AMY2A: variants seen among roughly 807,000 people sequenced by gnomAD.
The protein encoded by AMY2A is pancreatic alpha-amylase.
In AMY2A, 16 loss-of-function variants were observed where a neutral mutation model predicts 43.0. That is an observed-to-expected ratio of 0.37 (90% CI 0.25 to 0.56). The LOEUF is 0.56. Ranked by LOEUF, AMY2A falls within the 20% of genes least tolerant of loss-of-function variation. AMY2A has a pLI of 0.77. For missense variants in AMY2A, 212 were observed against 456.8 expected, an observed-to-expected ratio of 0.46 and a Z score of 4.89; for synonymous variants, 70 against 144.6, an observed-to-expected ratio of 0.48 and a Z score of 3.70.
Position 103,617,995 on chromosome 1 carries a change from C to G in AMY2A, c.210C>G (p.Phe70Leu). The change falls in exon 2 of 10, where the codon TTC becomes TTG. Residue 70 changes from phenylalanine (F) to leucine (L), a missense_variant. Physicochemically the swap from Phe to Leu is conservative, Grantham distance 22. Around this residue, in one of 2 missense-constraint regions of AMY2A, gnomAD observed 199 missense variants for 210.6 expected, o/e 0.94. Transcript: ENST00000414303. ...PNENVAIYNPFRPWWERYQPV... is the reference protein window; with the variant it reads ...PNENVAIYNPLRPWWERYQPV... ...AAAATGTTGCAATTTACAACCCTTTCAGACCTTGGTGGGAAAGATACCAAC... is the reference window on the plus strand; with the variant it reads ...AAAATGTTGCAATTTACAACCCTTTGAGACCTTGGTGGGAAAGATACCAAC... 6.2e-7 allele frequency: 1 copy of G among 1,600,644 alleles called. No individual in the cohort carries two copies. Among genetic ancestry groups the G allele is most frequent in the East Asian group, 2.2e-5 (1 of 44,792 alleles).
intron 7 of AMY2A, among the ~76,000 whole-genome samples, chr1:103,623,290 T>C (rs372517445): frequency 4.4e-3 from 599 of 135,634 alleles, no homozygotes; most frequent in Non-Finnish European, 5.0e-3. Context: ...CCCATTTCAA[T>C]GACATTGCAT....
chr1:103,616,818 G>T, upstream of AMY2A: 1 of 221,438 alleles, frequency 4.5e-6, no homozygotes, highest in East Asian at 1.8e-4. Flanking sequence ...GTCTGGCTCG[G>T]TGAGTCTGTG....
chr1:103,623,696 G>A (rs1378781694), intron 7 of AMY2A, among the ~76,000 whole-genome samples, 170 bp from the exon 8 acceptor site: 3 of 123,540 alleles, frequency 2.4e-5, no homozygotes, highest in Admixed American at 7.8e-5. Flanking sequence ...AGGATAGAGA[G>A]ATGATGAAGA....
At chr1:103,617,364 A>C (rs1653104721), upstream of AMY2A, 16 of 1,555,172 alleles carry the variant, frequency 1.0e-5, 1 homozygote, top group African/African-American at 4.0e-5. Context: ...ATTCATGCTA[A>C]TATTTACTTT....
upstream of AMY2A, chr1:103,617,099 T>C (rs1005281421): frequency 1.0e-6 from 1 of 965,054 alleles, no homozygotes; most frequent in African/African-American, 1.7e-5. Context: ...AAAGTTTTTT[T>C]GTATGCCATT....
rs1263219607 is a variant in AMY2A at position 103,618,507 on chromosome 1, ATAAATTGAGAT to A, written c.316-400_316-390del. On this transcript the variant is annotated intron_variant, in intron 2 of 9. Transcript: ENST00000414303. Reference sequence around the variant, plus strand: ...CTAGCTTCTCTATTTAATGAGGAGCATAAATTGAGATTAATAGCTACCTTGTTTGTCTTCAA... The same window carrying A: ...CTAGCTTCTCTATTTAATGAGGAGCATAATAGCTACCTTGTTTGTCTTCAA... Among the ~76,000 whole-genome samples the A allele has an allele frequency of 1.2e-4, 18 of 150,914 alleles. 1 individual carries two copies. The highest frequency in any genetic ancestry group is 4.3e-4 in the African/African-American group (18 of 41,464).
chr1:103,618,249 A>C (rs938032187), intron 2 of AMY2A, 149 bp downstream of exon 2: 1 of 1,336,606 alleles, frequency 7.5e-7, no homozygotes, highest in African/African-American at 1.5e-5. Context: ...CTGTTTATTT[A>C]TGTTCAACTT....
At chr1:103,618,628 G>T (rs1184968671) in intron 2 of AMY2A, among the ~76,000 whole-genome samples, 1 of 150,514 alleles carries the variant, frequency 6.6e-6, no homozygotes, top group Admixed American at 6.6e-5. Flanking sequence ...TCTGAGTTTT[G>T]TCTTCCCAAA....
Position 103,617,756 on chromosome 1 carries a change from A to G in AMY2A, c.168+148A>G. 9 of 1,534,264 alleles carry G rather than the reference A, an allele frequency of 5.9e-6. No individual in the cohort carries two copies. The South Asian group carries it at 9.9e-5, about 17-fold the overall frequency. ...ATTTCTGAGGGAAAATCTATGTAGT[A>G]TTCTTGGCAACTTTATATTTTGTTT... On this transcript the variant is annotated intron_variant, in intron 1 of 9. Coordinates refer to ENST00000414303, the MANE Select transcript of AMY2A (RefSeq NM_000699.4).
chr1:103,619,913 C>A, intron 4 of AMY2A, 129 bp downstream of exon 4: 1 of 1,476,564 alleles, frequency 6.8e-7, no homozygotes, highest in South Asian at 1.2e-5. Context: ...GTTCTTTAAC[C>A]TCCTCTTCTT....
chr1:103,619,360 T>C (rs1042988437), intron 3 of AMY2A, among the ~76,000 whole-genome samples, 194 bp from the exon 4 acceptor site: 1 of 150,642 alleles, frequency 6.6e-6, no homozygotes, highest in Non-Finnish European at 1.5e-5. Context: ...CTTTATTTCC[T>C]AAATTCTCTA....
upstream of AMY2A, chr1:103,617,155 A>G: frequency 2.1e-6 from 2 of 965,660 alleles, no homozygotes; most frequent in African/African-American, 1.6e-5. Context: ...TTCTACTGTT[A>G]TGTGAGAACA....
Position 103,618,216 on chromosome 1 carries a change from C to T in AMY2A, c.315+116C>T, listed in dbSNP as rs1653133905. The T allele has an allele frequency of 3.3e-5, 48 of 1,437,856 alleles. No homozygotes were observed. The South Asian group carries it at 6.6e-4, about 20-fold the overall frequency. 89.1% of individuals were successfully genotyped at this position (1,437,856 alleles called of 1,614,324 possible). A position where few individuals can be genotyped will look rare whatever the true frequency, so the allele number is the denominator to read the frequency against. On this transcript the variant is annotated intron_variant, in intron 2 of 9. Transcript: ENST00000414303. The stretch of plus-strand genomic sequence containing the variant: ...GTATTTTATTTTTTTAATTTTACTT[C>T]ATAATTTAAAACTCAAAATTAACTG...
intron 1 of AMY2A, 64 bp from the exon 2 acceptor site, chr1:103,617,890 T>A (rs1653122703): frequency 6.3e-7 from 1 of 1,596,230 alleles, no homozygotes; most frequent in East Asian, 2.2e-5. Flanking sequence ...GATTAGTTTC[T>A]AGAACATTCA....
At chr1:103,623,706 AC>A (rs1404349624) in intron 7 of AMY2A, among the ~76,000 whole-genome samples, 159 bp from the exon 8 acceptor site, 1 of 124,870 alleles carries the variant, frequency 8.0e-6, no homozygotes, top group African/African-American at 3.3e-5. Context: ...GATGATGAAG[AC>A]CCAGTAAAGG....
rs879736551 is a variant in AMY2A, at chr1:103,623,639, G to C, written c.1102-227G>C. On this transcript the variant is annotated intron_variant, in intron 7 of 9. Coordinates refer to ENST00000414303, the MANE Select transcript of AMY2A (RefSeq NM_000699.4). ...GCAGTTCTTTGGAATGAAAAGGAGA[G>C]GATAAAAATTTGTTACCTTGTTTGA... Among the ~76,000 whole-genome samples, 575 of 117,290 alleles carry C rather than the reference G, an allele frequency of 4.9e-3. 2 individuals are homozygous for C. Among genetic ancestry groups the C allele is most frequent in the Admixed American group, 0.044 (529 of 12,140 alleles). The allele number at this position is 117,290 out of a possible 152,430, so 76.9% of individuals were successfully genotyped here. A position where few individuals can be genotyped will look rare whatever the true frequency, so the allele number is the denominator to read the frequency against.
intron 2 of AMY2A, among the ~76,000 whole-genome samples, 172 bp downstream of exon 2, chr1:103,618,272 G>T (rs1320304938): frequency 4.6e-5 from 7 of 150,544 alleles, no homozygotes; most frequent in East Asian, 3.9e-4. Flanking sequence ...GTGAATATTT[G>T]TGTGTGTGCT....
At chr1:103,619,289 G>T (rs1318795842) in intron 3 of AMY2A, among the ~76,000 whole-genome samples, 181 bp downstream of exon 3, 4 of 150,020 alleles carry the variant, frequency 2.7e-5, no homozygotes, top group Non-Finnish European at 4.5e-5. Context: ...ATTGATTTAA[G>T]ATTTTTAATC....
chr1:103,619,084 C>T lies in AMY2A; in HGVS notation c.489C>T (p.Ile163=), dbSNP rs752786393. 37 of 1,193,854 alleles carry T rather than the reference C, an allele frequency of 3.1e-5. 1 individual carries two copies. Among genetic ancestry groups the T allele is most frequent in the Non-Finnish European group, 3.8e-5 (33 of 873,358 alleles). 74.0% of individuals were successfully genotyped at this position (1,193,854 alleles called of 1,614,324 possible). ...AATGTAAAACTGGAAGTGGAGATAT[C>T]GAGAACTACAATGATGCTACTCAGG... ...DGKCKTGSGD[I]ENYNDATQVR... Residue 163 remains isoleucine (I), a synonymous_variant, in exon 3 of 10, where the codon ATC becomes ATT. Coordinates refer to ENST00000414303, the MANE Select transcript of AMY2A (RefSeq NM_000699.4).
Sources: gnomAD v4.1 joint callset for allele counts (sites outside exome capture counted in the v4.1 genomes callset) on GRCh38, gnomAD v4.1.1 for gene constraint, gnomAD v4.1.1 regional missense constraint, MANE v1.5 for transcripts, NCBI Gene and HGNC (gene_info 2026-07-23, HGNC 2026-07-21) for gene names.